Variants in KANK1 observed in about 807,000 individuals in gnomAD.
KANK1 encodes KN motif and ankyrin repeat domains 1.
A neutral mutation model predicts 106.2 loss-of-function variants in KANK1; 109 were observed. The ratio of observed to expected loss-of-function variants is 1.03; its 90% CI spans 0.88 to 1.20. The LOEUF is 1.20. KANK1 is among the 50% of genes most tolerant of loss of function. The probability of loss-of-function intolerance (pLI) is 0.00; values close to 1 mark genes in which losing one functional copy is unlikely to be tolerated. For synonymous variants in KANK1, 873 were observed against 652.2 expected, an observed-to-expected ratio of 1.34 and a Z score of -5.16; for missense variants, 2,399 against 1,710.7, an observed-to-expected ratio of 1.40 and a Z score of -7.10.
intron 1 of KANK1, among the ~76,000 whole-genome samples, chr9:527,713 T>C (rs2059859428): frequency 6.6e-6 from 1 of 151,240 alleles, no homozygotes. Context: ...TTTTTTCTTT[T>C]ACCTTCACAC....
chr9:678,552 A>G (rs985299424), intron 2 of KANK1, among the ~76,000 whole-genome samples: 8 of 152,060 alleles, frequency 5.3e-5, no homozygotes, highest in Admixed American at 6.5e-5. Flanking sequence ...AACATGACGA[A>G]ACCCCATCTC....
intron 1 of KANK1, among the ~76,000 whole-genome samples, chr9:628,676 A>C (rs1383091568): frequency 6.6e-6 from 1 of 152,148 alleles, no homozygotes; most frequent in African/African-American, 2.4e-5. Context: ...CTCTCTGCCC[A>C]GTTCCCAGGT....
chr9:703,422 G>A (rs1823199415), intron 2 of KANK1, among the ~76,000 whole-genome samples: 1 of 152,002 alleles, frequency 6.6e-6, no homozygotes, highest in Admixed American at 6.6e-5. Context: ...CACTGAATAG[G>A]ACCATTTTCT....
At chr9:732,761 A>T (rs535232207) in intron 6 of KANK1, 144 bp downstream of exon 6, 42 of 855,266 alleles carry the variant, frequency 4.9e-5, no homozygotes, top group Non-Finnish European at 6.9e-5. Context: ...ATACTAATAT[A>T]TACAAGTGCA....
At chr9:483,767 G>A (rs992998326) in intron 3 of KANK1, among the ~76,000 whole-genome samples, 2 of 152,178 alleles carry the variant, frequency 1.3e-5, no homozygotes, top group African/African-American at 2.4e-5. Context: ...TCAGGGTAGA[G>A]GAGAGGGCTG....
At position 745,260 on chromosome 9, in the gene KANK1, A is replaced by C. The variant is rs748305107; in HGVS notation, c.*25A>C. On this transcript the variant is annotated 3_prime_UTR_variant, in exon 12 of 12. Transcript: ENST00000382297. Reference sequence around the variant, plus strand: ...ATTGTATGCAAATAGCCCTTTATTTACATGCCACTATTAAGCTGCTAATTG... The same window carrying C: ...ATTGTATGCAAATAGCCCTTTATTTCCATGCCACTATTAAGCTGCTAATTG... 89 of 1,613,480 alleles carry C rather than the reference A, an allele frequency of 5.5e-5. No homozygotes were observed. The highest frequency in any genetic ancestry group is 7.1e-5 in the Non-Finnish European group (84 of 1,179,558).
intron 2 of KANK1, among the ~76,000 whole-genome samples, chr9:678,737 T>C (rs181453371): frequency 5.9e-5 from 9 of 152,150 alleles, no homozygotes; most frequent in East Asian, 1.9e-4. Flanking sequence ...AAAAATAAAA[T>C]AAATCAGAAT....
At chr9:575,167 C>T (rs567771742) in intron 1 of KANK1, among the ~76,000 whole-genome samples, 1 of 152,324 alleles carries the variant, frequency 6.6e-6, no homozygotes, top group East Asian at 1.9e-4. Context: ...TTCTCAAAGA[C>T]AAGGCAGCAG....
chr9:541,415 ATCAAC>A (rs1489838129), intron 1 of KANK1, among the ~76,000 whole-genome samples: 1 of 152,198 alleles, frequency 6.6e-6, no homozygotes, highest in Non-Finnish European at 1.5e-5. Flanking sequence ...ATATACAAAA[ATCAAC>A]TCAAAATGGA....
intron 1 of KANK1, among the ~76,000 whole-genome samples, chr9:622,413 C>T (rs1301590264): frequency 1.3e-5 from 2 of 151,998 alleles, no homozygotes; most frequent in African/African-American, 4.8e-5. Flanking sequence ...TGCATAATGA[C>T]CTAAATGTCA....
chr9:729,485 C>T (rs1831629610), intron 3 of KANK1, among the ~76,000 whole-genome samples: 1 of 152,180 alleles, frequency 6.6e-6, no homozygotes, highest in South Asian at 2.1e-4. Flanking sequence ...TGCCAGGAAA[C>T]AAGAGACCCG....
chr9:707,045 G>A (rs1226444196), intron 2 of KANK1: 1 of 985,492 alleles, frequency 1.0e-6, no homozygotes, highest in African/African-American at 1.7e-5. Context: ...TGCGGCGGGG[G>A]TGGTGTCACT....
At chr9:592,094 G>T (rs562404891) in intron 1 of KANK1, among the ~76,000 whole-genome samples, 2 of 151,836 alleles carry the variant, frequency 1.3e-5, no homozygotes, top group Non-Finnish European at 2.9e-5. Context: ...GTAGGAGATC[G>T]GTCAGGGTGG....
chr9:593,461 C>A (rs1201120968), intron 1 of KANK1, among the ~76,000 whole-genome samples: 1 of 143,670 alleles, frequency 7.0e-6, no homozygotes, highest in Non-Finnish European at 1.5e-5. Flanking sequence ...TCCCCCCCCC[C>A]ATATACTTGC....
chr9:628,940 C>T (rs60785305), intron 1 of KANK1, among the ~76,000 whole-genome samples: 7,850 of 149,666 alleles, frequency 0.052, 615 homozygotes, highest in East Asian at 0.22. Flanking sequence ...ATTAGCTGGG[C>T]ATGGTGATGG....
At chr9:595,306 A>C (rs1189959264) in intron 1 of KANK1, among the ~76,000 whole-genome samples, 2 of 151,766 alleles carry the variant, frequency 1.3e-5, no homozygotes, top group African/African-American at 2.4e-5. Flanking sequence ...AAAGTTATTC[A>C]CATGGCCCAG....
chr9:639,852 T>C (rs1174597881), intron 1 of KANK1, among the ~76,000 whole-genome samples: 1 of 152,158 alleles, frequency 6.6e-6, no homozygotes, highest in African/African-American at 2.4e-5. Flanking sequence ...GGATAGTGCC[T>C]TCTATGTCCT....
chr9:639,448 C>G (rs1262012159), intron 1 of KANK1, among the ~76,000 whole-genome samples: 1 of 152,232 alleles, frequency 6.6e-6, no homozygotes, highest in South Asian at 2.1e-4. Flanking sequence ...TCCCAAGTAG[C>G]TGGGATTACA....
At position 744,601 on chromosome 9, in the gene KANK1, G is replaced by C. The variant is rs369281183; in HGVS notation, c.3996+12G>C. The C allele has an allele frequency of 1.2e-6, 2 of 1,613,962 alleles. No individual in the cohort carries two copies. Among genetic ancestry groups the C allele is most frequent in the African/African-American group, 2.7e-5 (2 of 74,900 alleles). On this transcript the variant is annotated intron_variant, in intron 11 of 11. Coordinates refer to ENST00000382297, the MANE Select transcript of KANK1 (RefSeq NM_015158.5). ...AAGCCCAGTCTCCGGTCAGTGTTGT[G>C]CATTTGGCATTTGTAAATAGGCTGA...
Sources: allele counts gnomAD v4.1 joint callset (sites outside exome capture counted in the v4.1 genomes callset), GRCh38; gene constraint gnomAD v4.1.1; transcripts MANE v1.5; gene names NCBI Gene and HGNC (gene_info 2026-07-23, HGNC 2026-07-21).